SPNS2: variants seen among roughly 807,000 people sequenced by gnomAD.
SPNS2 encodes the protein sphingosine-1-phosphate transporter SPNS2.
A neutral mutation model predicts 57.6 loss-of-function variants in SPNS2; 37 were observed. The ratio of observed to expected loss-of-function variants is 0.64; its 90% CI spans 0.49 to 0.85. The LOEUF (loss-of-function observed/expected upper bound fraction) is 0.85. Ranked by LOEUF, SPNS2 falls within the 40% of genes least tolerant of loss-of-function variation. SPNS2 has a pLI of 0.00. For synonymous variants in SPNS2, 440 were observed against 346.9 expected (o/e 1.27, Z -2.98); for missense variants, 831 against 779.1 (o/e 1.07, Z -0.79).
rs1904803065 is a variant in SPNS2, at chr17:4,510,543, A to G, written c.371-2704A>G. Among the ~76,000 whole-genome samples the G allele has an allele frequency of 6.6e-6, 1 of 152,048 alleles. No individual in the cohort carries two copies. The highest frequency in any genetic ancestry group is 2.4e-5 in the African/African-American group (1 of 41,386). ...GCAGGGAGGAAGCGAGAGTGCTTTGATTTGCCGTGGACACAGGATGTCATC... is the reference window on the plus strand; with the variant it reads ...GCAGGGAGGAAGCGAGAGTGCTTTGGTTTGCCGTGGACACAGGATGTCATC... On this transcript the variant is annotated intron_variant, in intron 1 of 12. Coordinates refer to ENST00000329078, the MANE Select transcript of SPNS2 (RefSeq NM_001124758.3). This position sits in a 1 kb window ranked among gnomAD's most constrained non-coding sequence, Gnocchi z 4.4.
chr17:4,513,215 C>T (rs374330462), intron 1 of SPNS2, 32 bp from the exon 2 acceptor site: 113 of 1,610,904 alleles, frequency 7.0e-5, no homozygotes, highest in Non-Finnish European at 8.4e-5. Flanking sequence ...CCATCAGACT[C>T]GGCCAGTGAG....
Position 4,536,438 on chromosome 17 carries a change from G to GT in SPNS2, c.1607+12_1607+13insT, listed in dbSNP as rs779971058. The GT allele has an allele frequency of 5.1e-6, 8 of 1,582,782 alleles. No homozygotes were observed. The highest frequency in any genetic ancestry group is 1.1e-5 in the South Asian group (1 of 90,688). On this transcript the variant is annotated intron_variant, in intron 11 of 12. Transcript: ENST00000329078. ...AGGGCTGAGCAGCAGTGAGTGGGGG[G>GT]GAGGGGAGGCCCTGCTGCACCGCCG...
intron 9 of SPNS2, 127 bp from the exon 10 acceptor site, chr17:4,535,949 G>T: frequency 4.2e-6 from 3 of 711,654 alleles, no homozygotes; most frequent in South Asian, 3.6e-5. Context: ...AGGGGAGAGA[G>T]GTGTCAAGAC....
intron 2 of SPNS2, among the ~76,000 whole-genome samples, chr17:4,515,527 C>T (rs1441319459): frequency 6.6e-6 from 1 of 152,166 alleles, no homozygotes; most frequent in Non-Finnish European, 1.5e-5. Flanking sequence ...TACACCATGG[C>T]CCTCACCTGT....
rs543804986 is a variant in SPNS2 at position 4,502,285 on chromosome 17, C to G, written c.370+2868C>G. On this transcript the variant is annotated intron_variant, in intron 1 of 12. Transcript: ENST00000329078. ...GTCCCAGCTACTCGGGAGGCTGAGG[C>G]AGGATAATCGCTTGAACCCAGGAGG... Among the ~76,000 whole-genome samples the G allele has an allele frequency of 2.0e-5, 3 of 151,622 alleles. No individual in the cohort carries two copies. The South Asian group carries it at 6.2e-4, about 32-fold the overall frequency.
In SPNS2 at chr17:4,510,971, C is replaced by T. The variant is rs1300630685; in HGVS notation, c.371-2276C>T. On this transcript the variant is annotated intron_variant, in intron 1 of 12. Coordinates refer to ENST00000329078, the MANE Select transcript of SPNS2 (RefSeq NM_001124758.3). The surrounding 1 kb of genome is among the most constrained non-coding windows in gnomAD (Gnocchi z 4.4). ...CTGTGTGACAAATTACTTCATGTCT[C>T]AGAGCCTCGGTTTCTTCCTATATAA... is the stretch of plus-strand genomic sequence containing the variant. Among the ~76,000 whole-genome samples, 1 of 152,242 alleles carries T rather than the reference C, an allele frequency of 6.6e-6. No individual in the cohort carries two copies. The highest frequency in any genetic ancestry group is 6.5e-5 in the Admixed American group (1 of 15,284).
intron 9 of SPNS2, among the ~76,000 whole-genome samples, chr17:4,535,189 G>A (rs1038756121): frequency 3.3e-5 from 5 of 152,102 alleles, no homozygotes; most frequent in African/African-American, 1.2e-4. Flanking sequence ...CCTCCTGTCT[G>A]ACTCTGGCCT....
intron 3 of SPNS2, among the ~76,000 whole-genome samples, chr17:4,528,162 A>G (rs1375296307): frequency 1.3e-5 from 2 of 151,858 alleles, no homozygotes; most frequent in South Asian, 2.1e-4. Context: ...AGCTGGGATT[A>G]CAGGCACGCG....
chr17:4,501,629 C>T (rs971892848), intron 1 of SPNS2, among the ~76,000 whole-genome samples: 2 of 152,182 alleles, frequency 1.3e-5, no homozygotes, highest in African/African-American at 4.8e-5. Context: ...GGTTGCCCCT[C>T]TCTCTATGGT....
chr17:4,522,104 C>G (rs537066796), intron 2 of SPNS2, among the ~76,000 whole-genome samples: 124 of 152,274 alleles, frequency 8.1e-4, no homozygotes, highest in Admixed American at 4.3e-3. Flanking sequence ...GAGGCCGAGG[C>G]AAGAGAATCG....
chr17:4,525,972 G>A (rs888988754), intron 3 of SPNS2, among the ~76,000 whole-genome samples: 3 of 152,106 alleles, frequency 2.0e-5, no homozygotes, highest in African/African-American at 7.2e-5. Flanking sequence ...ATCACATGCC[G>A]GCTGCTATAG....
At chr17:4,536,695 ACTTTCTGACTT>A (rs1238974948) in intron 11 of SPNS2, 194 bp from the exon 12 acceptor site, 1 of 629,148 alleles carries the variant, frequency 1.6e-6, no homozygotes, top group Non-Finnish European at 2.8e-6. Context: ...CCTTCCTCTT[ACTTTCTGACTT>A]CTTTCTCCTT....
In SPNS2 at chr17:4,532,587, C is replaced by G. The variant is rs764840905; in HGVS notation, c.838C>G (p.Leu280Val). Residue 280 changes from leucine to valine, a missense_variant, in exon 6 of 13, where the codon CTG becomes GTG. Leu to Val is a conservative substitution (Grantham distance 32). Coordinates refer to ENST00000329078, the MANE Select transcript of SPNS2 (RefSeq NM_001124758.3). Reference protein sequence around the residue: ...GMITGTLILILVPATKRGHAD... With the variant: ...GMITGTLILIVVPATKRGHAD... ...GATCACAGGAACACTCATCCTCATT[C>G]TGGTCCCAGCCACTAAAAGGGGTCA... 1 of 1,614,132 alleles carries G rather than the reference C, an allele frequency of 6.2e-7. No individual in the cohort carries two copies. Among genetic ancestry groups the G allele is most frequent in the Admixed American group, 1.7e-5 (1 of 60,020 alleles).
intron 11 of SPNS2, chr17:4,536,683 C>T (rs1011443015): frequency 1.4e-5 from 9 of 638,816 alleles, no homozygotes; most frequent in African/African-American, 1.3e-4. Context: ...TGGGGCCCCT[C>T]CCCTTCCTCT....
chr17:4,521,840 C>T (rs990788687), intron 2 of SPNS2, among the ~76,000 whole-genome samples: 15 of 152,244 alleles, frequency 9.9e-5, no homozygotes, highest in South Asian at 8.3e-4. Flanking sequence ...CCCTTTCCAA[C>T]GCCCATCAGT....
chr17:4,514,530 C>G (rs964516733), intron 2 of SPNS2, among the ~76,000 whole-genome samples: 1 of 152,214 alleles, frequency 6.6e-6, no homozygotes, highest in Non-Finnish European at 1.5e-5. Context: ...CTTTGGGGCT[C>G]AGAGAGAGGG....
chr17:4,501,253 G>A (rs993735770), intron 1 of SPNS2, among the ~76,000 whole-genome samples: 2 of 151,760 alleles, frequency 1.3e-5, no homozygotes, highest in South Asian at 4.2e-4. Flanking sequence ...TCTCCAACTT[G>A]TTTTTTTTCT....
rs1314952107 is a variant in SPNS2 at position 4,525,122 on chromosome 17, A to C, written c.502A>C (p.Lys168Gln). The C allele has an allele frequency of 6.2e-7, 1 of 1,614,134 alleles. No individual in the cohort carries two copies. Among genetic ancestry groups the C allele is most frequent in the South Asian group, 1.1e-5 (1 of 91,076 alleles). ...FGYLGDRFNRKVILSCGIFFW... is the reference protein window; with the variant it reads ...FGYLGDRFNRQVILSCGIFFW... Reference sequence around the variant, plus strand: ...CTACCTGGGCGACCGCTTCAACAGGAAGGTGATTCTCAGCTGCGGCATTTT... The same window carrying C: ...CTACCTGGGCGACCGCTTCAACAGGCAGGTGATTCTCAGCTGCGGCATTTT... The change falls in exon 3 of 13, where the codon AAG becomes CAG. Residue 168 changes from lysine to glutamine, a missense_variant. Lys to Gln is a moderately conservative substitution (Grantham distance 53, BLOSUM62 1). Coordinates refer to ENST00000329078, the MANE Select transcript of SPNS2 (RefSeq NM_001124758.3).
intron 9 of SPNS2, among the ~76,000 whole-genome samples, chr17:4,535,305 G>A (rs777637849): frequency 1.6e-4 from 25 of 152,300 alleles, no homozygotes; most frequent in Non-Finnish European, 3.2e-4. Flanking sequence ...CCGCGGGTGC[G>A]AGCGGAGGCT....
Sources: gnomAD v4.1 joint callset for allele counts (sites outside exome capture counted in the v4.1 genomes callset) on GRCh38, gnomAD v4.1.1 for gene constraint, Gnocchi (gnomAD v3.1) non-coding constraint, MANE v1.5 for transcripts, NCBI Gene and HGNC (gene_info 2026-07-23, HGNC 2026-07-21) for gene names.